Variants in ATG7 observed in about 807,000 individuals in gnomAD.
ATG7 encodes autophagy related 7, also known as ubiquitin-like modifier-activating enzyme ATG7.
A neutral mutation model predicts 82.4 loss-of-function variants in ATG7; 70 were observed. The observed-to-expected ratio is 0.85, with a 90% CI of 0.70 to 1.04. The LOEUF is 1.04. Ranked by LOEUF, ATG7 falls within the 50% of genes least tolerant of loss-of-function variation. ATG7 has a pLI of 0.00. For missense variants in ATG7, 792 were observed against 864.3 expected, an observed-to-expected ratio of 0.92 and a Z score of 1.05; for synonymous variants, 287 against 313.0, an observed-to-expected ratio of 0.92 and a Z score of 0.88.
chr3:11,512,384 C>A (rs1388629799), intron 20 of ATG7, among the ~76,000 whole-genome samples: 1 of 152,178 alleles, frequency 6.6e-6, no homozygotes, highest in Non-Finnish European at 1.5e-5. Context: ...CCAAGGGAAC[C>A]CAAAAACCAG....
At chr3:11,305,166 G>A (rs1428563511) in intron 5 of ATG7, among the ~76,000 whole-genome samples, 1 of 152,184 alleles carries the variant, frequency 6.6e-6, no homozygotes, top group Non-Finnish European at 1.5e-5. Context: ...CCAAGTCTCA[G>A]GCTCCTTCCC....
intron 19 of ATG7, among the ~76,000 whole-genome samples, chr3:11,385,404 GA>G (rs1342521278): frequency 6.6e-6 from 1 of 152,212 alleles, no homozygotes; most frequent in African/African-American, 2.4e-5. Flanking sequence ...GCACCACTTA[GA>G]AAGGCAAATC....
intron 20 of ATG7, among the ~76,000 whole-genome samples, chr3:11,539,108 T>C (rs2070606589): frequency 6.6e-6 from 1 of 151,536 alleles, no homozygotes. Flanking sequence ...TTTTTTTTTT[T>C]CAGGTTGTAA....
intron 19 of ATG7, among the ~76,000 whole-genome samples, chr3:11,419,842 A>T (rs2081772916): frequency 6.6e-6 from 1 of 152,192 alleles, no homozygotes; most frequent in African/African-American, 2.4e-5. Context: ...TCATAGAGAA[A>T]ACCTAGCCTC....
At position 11,341,152 on chromosome 3, in the gene ATG7, C is replaced by A. The variant is rs540105563; in HGVS notation, c.980+417C>A. On this transcript the variant is annotated intron_variant, in intron 12 of 20. Transcript: ENST00000693202. ...TCTCTGCTCACTGCAACCTCTGCCT[C>A]CTGGGTTCAAGTGATTCTCCTGCCT... 1.5e-3 allele frequency among the ~76,000 whole-genome samples: 229 copies of A among 151,708 alleles called. 1 individual carries two copies. Among genetic ancestry groups the A allele is most frequent in the African/African-American group, 5.0e-3 (207 of 41,364 alleles).
intron 5 of ATG7, among the ~76,000 whole-genome samples, chr3:11,303,209 T>A (rs570662756): frequency 6.6e-6 from 1 of 152,290 alleles, no homozygotes; most frequent in South Asian, 2.1e-4. Context: ...CATTTATCAC[T>A]CCACTCAGAT....
At chr3:11,378,411 G>A (rs1460117190) in intron 18 of ATG7, among the ~76,000 whole-genome samples, 1 of 151,004 alleles carries the variant, frequency 6.6e-6, no homozygotes, top group Non-Finnish European at 1.5e-5. Context: ...GGCTGGGCGC[G>A]GTGGCTCACG....
intron 20 of ATG7, among the ~76,000 whole-genome samples, chr3:11,460,468 C>G (rs1308418202): frequency 1.3e-5 from 2 of 152,194 alleles, no homozygotes; most frequent in Admixed American, 1.3e-4. Context: ...CTGATGTGGG[C>G]AAGGGAGAGG....
At chr3:11,470,999 C>T (rs1034658418) in intron 20 of ATG7, among the ~76,000 whole-genome samples, 6 of 152,094 alleles carry the variant, frequency 3.9e-5, no homozygotes, top group African/African-American at 7.2e-5. Flanking sequence ...TAGACACTTC[C>T]CTCCTAGCCT....
At chr3:11,532,739 C>A (rs1011693858) in intron 20 of ATG7, among the ~76,000 whole-genome samples, 2 of 152,158 alleles carry the variant, frequency 1.3e-5, no homozygotes, top group African/African-American at 4.8e-5. Flanking sequence ...GAAACAACAC[C>A]AGCTTCTCTC....
chr3:11,344,683 G>A (rs1239242325), intron 13 of ATG7, among the ~76,000 whole-genome samples: 2 of 151,958 alleles, frequency 1.3e-5, no homozygotes, highest in Non-Finnish European at 2.9e-5. Flanking sequence ...CCTGCACAAC[G>A]TGGCGAAACT....
chr3:11,432,829 G>A (rs564131119), intron 20 of ATG7, among the ~76,000 whole-genome samples: 3 of 152,170 alleles, frequency 2.0e-5, no homozygotes, highest in East Asian at 1.9e-4. Flanking sequence ...TTACTTCCAA[G>A]GCCTTTACTG....
chr3:11,566,439 C>T, the ATG7 span, among the ~76,000 whole-genome samples: 3 of 152,200 alleles, frequency 2.0e-5, no homozygotes, highest in Admixed American at 6.5e-5. Flanking sequence ...TGCTTGTATC[C>T]ATTCCAGAGC....
At chr3:11,516,330 G>A (rs2092281284) in intron 20 of ATG7, among the ~76,000 whole-genome samples, 1 of 150,808 alleles carries the variant, frequency 6.6e-6, no homozygotes. Context: ...AAAACTTAAA[G>A]TATAATAATA....
chr3:11,530,208 G>A (rs1175457106), intron 20 of ATG7, among the ~76,000 whole-genome samples: 1 of 152,158 alleles, frequency 6.6e-6, no homozygotes, highest in Non-Finnish European at 1.5e-5. Flanking sequence ...TGTCTGCTTT[G>A]AACAATTAAA....
At chr3:11,309,237 C>T (rs931421703) in intron 7 of ATG7, among the ~76,000 whole-genome samples, 176 bp downstream of exon 7, 9 of 152,168 alleles carry the variant, frequency 5.9e-5, no homozygotes, top group Admixed American at 3.9e-4. Flanking sequence ...CACCTATTAC[C>T]AATGCTAACT....
chr3:11,567,067 G>A, the ATG7 span, among the ~76,000 whole-genome samples: 1 of 151,994 alleles, frequency 6.6e-6, no homozygotes, highest in Non-Finnish European at 1.5e-5. Flanking sequence ...CTGAGCAGGA[G>A]AAGCACCAGA....
At chr3:11,368,737 CAAAAA>C (rs11348094) in intron 18 of ATG7, among the ~76,000 whole-genome samples, 3 of 132,942 alleles carry the variant, frequency 2.3e-5, no homozygotes, top group Admixed American at 7.6e-5. Flanking sequence ...GTCCCTGTCT[CAAAAA>C]AAAAAAAAAA....
intron 5 of ATG7, chr3:11,304,657 C>T (rs961117739): frequency 3.9e-5 from 6 of 152,226 alleles, no homozygotes; most frequent in African/African-American, 1.4e-4. Context: ...CAGCACTTTC[C>T]TGAGTCATCG....
Sources: gnomAD v4.1 joint callset for allele counts (sites outside exome capture counted in the v4.1 genomes callset) on GRCh38, gnomAD v4.1.1 for gene constraint, MANE v1.5 for transcripts, NCBI Gene and HGNC (gene_info 2026-07-23, HGNC 2026-07-21) for gene names.